The following CDYL2 variants were observed in gnomAD, a reference collection of about 807,000 sequenced individuals.
CDYL2 encodes the protein chromodomain Y-like protein 2.
A neutral mutation model predicts 49.4 loss-of-function variants in CDYL2; 23 were observed. The ratio of observed to expected loss-of-function variants is 0.47; its 90% confidence interval spans 0.34 to 0.66. CDYL2 has a LOEUF of 0.66. Among genes scored for constraint, CDYL2 ranks in the 30% least tolerant of loss-of-function variants. The probability of loss-of-function intolerance (pLI) is 0.01; values close to 1 mark genes in which losing one functional copy is unlikely to be tolerated. For synonymous variants in CDYL2, 360 were observed against 268.8 expected (o/e 1.34, Z -3.32); for missense variants, 678 against 656.4 (o/e 1.03, Z -0.36).
chr16:80,741,476 A>T (rs753943371), intron 1 of CDYL2, among the ~76,000 whole-genome samples: 1 of 152,174 alleles, frequency 6.6e-6, no homozygotes, highest in Non-Finnish European at 1.5e-5. Flanking sequence ...CTAGGTTTTA[A>T]AAAAACATTA....
chr16:80,745,549 G>A (rs186597443), intron 1 of CDYL2, among the ~76,000 whole-genome samples: 72 of 152,258 alleles, frequency 4.7e-4, no homozygotes, highest in African/African-American at 1.7e-3. Context: ...CCTTCATGGA[G>A]TTGGTGTGAG....
intron 1 of CDYL2, among the ~76,000 whole-genome samples, chr16:80,796,524 T>A (rs184066499): frequency 6.6e-6 from 1 of 152,320 alleles, no homozygotes; most frequent in East Asian, 1.9e-4. Flanking sequence ...CCATTACGTA[T>A]GTTCTACTTT....
intron 1 of CDYL2, among the ~76,000 whole-genome samples, chr16:80,791,128 C>A (rs1907595740): frequency 6.6e-6 from 1 of 152,162 alleles, no homozygotes. Context: ...CCTCTAAATA[C>A]AAGATTACAT....
intron 2 of CDYL2, among the ~76,000 whole-genome samples, chr16:80,656,762 T>C (rs1244896789): frequency 6.6e-6 from 1 of 152,026 alleles, no homozygotes; most frequent in African/African-American, 2.4e-5. Context: ...GAGATAATCA[T>C]CTCTGCGTAT....
Position 80,773,838 on chromosome 16 carries a change from A to G in CDYL2, c.24+30312T>C, listed in dbSNP as rs143540134. On this transcript the variant is annotated intron_variant, in intron 1 of 6. Coordinates refer to ENST00000570137, the MANE Select transcript of CDYL2 (RefSeq NM_152342.4). Reference sequence around the variant, plus strand: ...TAGGAGCAATGGCAGGCTGAAATCTAATGAACTAAACAACCATGTCAAGAA... The same window carrying G: ...TAGGAGCAATGGCAGGCTGAAATCTGATGAACTAAACAACCATGTCAAGAA... Among the ~76,000 whole-genome samples, 246 of 152,218 alleles carry G rather than the reference A, an allele frequency of 1.6e-3. 1 individual carries two copies. Among genetic ancestry groups the G allele is most frequent in the African/African-American group, 5.3e-3 (219 of 41,550 alleles).
At chr16:80,711,371 C>T (rs879408847) in intron 1 of CDYL2, among the ~76,000 whole-genome samples, 4 of 152,160 alleles carry the variant, frequency 2.6e-5, no homozygotes, top group Admixed American at 6.5e-5. Flanking sequence ...GGGAAGCAGA[C>T]GTTGACAGCT....
intron 2 of CDYL2, among the ~76,000 whole-genome samples, chr16:80,639,992 G>A (rs67421214): frequency 6.6e-6 from 1 of 152,062 alleles, no homozygotes; most frequent in Admixed American, 6.5e-5. Context: ...TTGCCACAAT[G>A]GGATAAAGTG....
At chr16:80,607,545 G>C (rs1906395412) in intron 6 of CDYL2, among the ~76,000 whole-genome samples, 1 of 152,228 alleles carries the variant, frequency 6.6e-6, no homozygotes, top group Non-Finnish European at 1.5e-5. Flanking sequence ...GCCGCGCTCT[G>C]AGTGACTGTT....
intron 1 of CDYL2, among the ~76,000 whole-genome samples, chr16:80,717,030 A>ATGGG (rs1004472476): frequency 1.3e-5 from 2 of 151,892 alleles, no homozygotes; most frequent in African/African-American, 4.8e-5. Context: ...GGATGGATGG[A>ATGGG]TGGATGGATG....
Position 80,685,141 on chromosome 16 carries a change from G to A in CDYL2, c.25-12C>T, listed in dbSNP as rs778023273. The A allele has an allele frequency of 6.9e-6, 11 of 1,588,352 alleles. No individual in the cohort carries two copies. Among genetic ancestry groups the A allele is most frequent in the Non-Finnish European group, 9.5e-6 (11 of 1,163,024 alleles). ...ACAATCCTTTCAACCTGCGATACAA[G>A]ATGAGAGGGTCAGAAAACAGAGAGA... On this transcript the variant is annotated splice_polypyrimidine_tract_variant and intron_variant, in intron 1 of 6. Coordinates refer to ENST00000570137, the MANE Select transcript of CDYL2 (RefSeq NM_152342.4).
chr16:80,710,760 C>A (rs566663617), intron 1 of CDYL2, among the ~76,000 whole-genome samples: 8 of 152,256 alleles, frequency 5.3e-5, no homozygotes, highest in South Asian at 2.1e-4. Flanking sequence ...CACACACATA[C>A]ACACAGAGAA....
chr16:80,631,273 G>C (rs13336797), intron 3 of CDYL2, among the ~76,000 whole-genome samples: 8,480 of 152,156 alleles, frequency 0.056, 721 homozygotes, highest in African/African-American at 0.18. Flanking sequence ...GCAAATACAA[G>C]GAACAAAGAG....
chr16:80,729,418 G>A (rs532320425), intron 1 of CDYL2, among the ~76,000 whole-genome samples: 35 of 152,132 alleles, frequency 2.3e-4, no homozygotes, highest in Non-Finnish European at 3.7e-4. Flanking sequence ...AAATATATAC[G>A]CATCCAATAC....
intron 4 of CDYL2, among the ~76,000 whole-genome samples, chr16:80,617,595 G>A (rs1331917783): frequency 4.6e-5 from 7 of 152,100 alleles, no homozygotes; most frequent in East Asian, 1.9e-4. Context: ...CAGCACTCCC[G>A]AGTTGGGAGA....
chr16:80,763,084 C>G (rs1046090332), intron 1 of CDYL2, among the ~76,000 whole-genome samples: 12 of 152,134 alleles, frequency 7.9e-5, no homozygotes, highest in African/African-American at 2.9e-4. Context: ...GGCAGGATCA[C>G]TTGAGCCCAG....
At chr16:80,627,649 G>A (rs1358267876) in intron 3 of CDYL2, 4 of 151,994 alleles carry the variant, frequency 2.6e-5, no homozygotes, top group Non-Finnish European at 1.5e-5. Context: ...AAAGTAAAAT[G>A]TTCCGAAATT....
chr16:80,687,571 TGGATGGATGGATGGACAGATGTG>T, intron 1 of CDYL2, among the ~76,000 whole-genome samples: 1 of 152,062 alleles, frequency 6.6e-6, no homozygotes, highest in South Asian at 2.1e-4. Context: ...GCTGGCTGGC[TGGATGGATGGATGGACAGATGTG>T]GGATGGATGA....
intron 2 of CDYL2, among the ~76,000 whole-genome samples, chr16:80,644,387 G>T (rs1000411839): frequency 2.0e-5 from 3 of 152,108 alleles, no homozygotes; most frequent in African/African-American, 7.2e-5. Context: ...CTTCCAAACT[G>T]TTCCAATCTC....
intron 1 of CDYL2, among the ~76,000 whole-genome samples, chr16:80,751,979 T>A (rs1009183477): frequency 2.6e-5 from 4 of 152,062 alleles, no homozygotes; most frequent in Non-Finnish European, 5.9e-5. Flanking sequence ...AACCGTAAAT[T>A]ACCAGGCACA....
Sources: allele counts gnomAD v4.1 joint callset (sites outside exome capture counted in the v4.1 genomes callset), GRCh38; gene constraint gnomAD v4.1.1; transcripts MANE v1.5; gene names NCBI Gene and HGNC (gene_info 2026-07-23, HGNC 2026-07-21).